The following ADAM12 variants were observed in gnomAD, a reference collection of about 807,000 sequenced individuals.
The protein encoded by ADAM12 is disintegrin and metalloproteinase domain-containing protein 12.
Under a neutral mutation model 106.4 loss-of-function variants are expected in ADAM12, and 70 were observed. That is an observed-to-expected ratio of 0.66 (90% CI 0.54 to 0.80). ADAM12 has a LOEUF of 0.80. Ranked by LOEUF, ADAM12 falls within the 30% of genes least tolerant of loss-of-function variation. The probability of loss-of-function intolerance (pLI) is 0.00; values close to 1 mark genes in which losing one functional copy is unlikely to be tolerated. For missense variants in ADAM12, 1,010 were observed against 1,171.9 expected, an observed-to-expected ratio of 0.86 and a Z score of 2.02; for synonymous variants, 420 against 433.5, an observed-to-expected ratio of 0.97 and a Z score of 0.39.
intron 3 of ADAM12, among the ~76,000 whole-genome samples, chr10:126,195,923 G>T (rs1386426998): frequency 6.6e-6 from 1 of 152,144 alleles, no homozygotes; most frequent in Non-Finnish European, 1.5e-5. Flanking sequence ...AGTAAAACCC[G>T]ATCACCGTCT....
intron 2 of ADAM12, among the ~76,000 whole-genome samples, chr10:126,299,828 G>A (rs1393780205): frequency 6.6e-6 from 1 of 152,024 alleles, no homozygotes; most frequent in Non-Finnish European, 1.5e-5. Flanking sequence ...ATTTTTAGTA[G>A]AGACGGGGTT....
intron 21 of ADAM12, among the ~76,000 whole-genome samples, chr10:126,029,838 T>G (rs1343921113): frequency 6.6e-6 from 1 of 152,218 alleles, no homozygotes; most frequent in East Asian, 1.9e-4. Flanking sequence ...TTTTAACCTA[T>G]CGATTGGCAA....
intron 4 of ADAM12, among the ~76,000 whole-genome samples, chr10:126,143,278 G>A (rs956337176): frequency 2.6e-4 from 34 of 133,114 alleles, no homozygotes; most frequent in Non-Finnish European, 5.1e-4. Flanking sequence ...GTGTATATGG[G>A]TATGCATGTG....
At chr10:126,063,887 C>T (rs1954809236) in intron 14 of ADAM12, among the ~76,000 whole-genome samples, 1 of 152,190 alleles carries the variant, frequency 6.6e-6, no homozygotes, top group Non-Finnish European at 1.5e-5. Flanking sequence ...GGGATGGATT[C>T]TTCCCTTTTG....
At chr10:126,379,790 A>G (rs1856427081) in intron 1 of ADAM12, among the ~76,000 whole-genome samples, 1 of 152,048 alleles carries the variant, frequency 6.6e-6, no homozygotes, top group Admixed American at 6.5e-5. Flanking sequence ...TCACATTCAG[A>G]TTCAAGTGAG....
chr10:126,311,867 C>T (rs1045613818), intron 2 of ADAM12, among the ~76,000 whole-genome samples: 2 of 152,024 alleles, frequency 1.3e-5, no homozygotes, highest in East Asian at 3.9e-4. Context: ...AGTAGCAAGA[C>T]TAAGTAAATA....
At chr10:126,285,203 G>C (rs544239389) in intron 2 of ADAM12, among the ~76,000 whole-genome samples, 1 of 152,190 alleles carries the variant, frequency 6.6e-6, no homozygotes, top group African/African-American at 2.4e-5. Flanking sequence ...AGAAGGAAAG[G>C]GTTCTGCTGC....
chr10:126,295,532 T>TACACAC (rs1047274012), intron 2 of ADAM12, among the ~76,000 whole-genome samples: 2 of 147,560 alleles, frequency 1.4e-5, no homozygotes, highest in African/African-American at 5.1e-5. Flanking sequence ...ACCACAAAAA[T>TACACAC]ACACACACAC....
chr10:126,339,847 C>CTTTTTTTTTT (rs146232567), intron 1 of ADAM12, among the ~76,000 whole-genome samples: 3 of 75,712 alleles, frequency 4.0e-5, no homozygotes, highest in Non-Finnish European at 7.0e-5. Flanking sequence ...CATTCTAGGG[C>CTTTTTTTTTT]TTTTTTTTTT....
chr10:126,118,302 AAG>A, intron 5 of ADAM12, 78 bp from the exon 6 acceptor site: 1 of 1,031,512 alleles, frequency 9.7e-7, no homozygotes, highest in Non-Finnish European at 1.4e-6. Context: ...AGTTCTTAAC[AAG>A]AGAGAGAATG....
chr10:126,189,846 T>C (rs115531071), intron 3 of ADAM12, among the ~76,000 whole-genome samples: 2,842 of 152,024 alleles, frequency 0.019, 89 homozygotes, highest in African/African-American at 0.064. Context: ...TGCAGAACCT[T>C]CCTGAAGACG....
At chr10:126,110,509 C>T (rs945331663) in intron 6 of ADAM12, among the ~76,000 whole-genome samples, 6 of 151,138 alleles carry the variant, frequency 4.0e-5, no homozygotes, top group Non-Finnish European at 7.4e-5. Context: ...AGAAAGAGAA[C>T]GGAAAGAAAC....
At chr10:126,242,671 A>T (rs1958549870) in intron 3 of ADAM12, among the ~76,000 whole-genome samples, 1 of 152,194 alleles carries the variant, frequency 6.6e-6, no homozygotes, top group African/African-American at 2.4e-5. Context: ...TTTGAGTTGG[A>T]ATAGGTACGG....
rs904741064 is a variant in ADAM12 at position 126,388,225 on chromosome 10, C to A, written c.-80G>T. Reference sequence around the variant, plus strand: ...TCCCACGCGGGCGCCGAGCCGGGGCCGGGCGTCGCGACCGGAGGGATTTCC... The same window carrying A: ...TCCCACGCGGGCGCCGAGCCGGGGCAGGGCGTCGCGACCGGAGGGATTTCC... On this transcript the variant is annotated 5_prime_UTR_variant, in exon 1 of 23. Coordinates refer to ENST00000448723, the MANE Select transcript of ADAM12 (RefSeq NM_001288973.2). The surrounding 1 kb of genome is among the most constrained non-coding windows in gnomAD (Gnocchi z 4.4). The A allele has an allele frequency of 2.1e-5, 25 of 1,190,262 alleles. No homozygotes were observed. The highest frequency in any genetic ancestry group is 2.5e-5 in the Non-Finnish European group (24 of 961,106). 73.7% of individuals were successfully genotyped at this position (1,190,262 alleles called of 1,614,324 possible).
At chr10:126,229,777 T>A (rs1958273684) in intron 3 of ADAM12, among the ~76,000 whole-genome samples, 2 of 152,126 alleles carry the variant, frequency 1.3e-5, no homozygotes, top group African/African-American at 4.8e-5. Context: ...GCTCTGTTCA[T>A]GCCTGCTGTT....
chr10:126,313,462 G>A (rs1961205906), intron 2 of ADAM12, among the ~76,000 whole-genome samples: 2 of 152,172 alleles, frequency 1.3e-5, no homozygotes, highest in South Asian at 4.1e-4. Flanking sequence ...GCAAAGTATG[G>A]GGTCAAAGTC....
intron 11 of ADAM12, among the ~76,000 whole-genome samples, chr10:126,076,181 T>C (rs1361926982): frequency 1.3e-5 from 2 of 152,256 alleles, no homozygotes; most frequent in Non-Finnish European, 2.9e-5. Flanking sequence ...CACGTGGTAT[T>C]TGACTTGCTA....
At position 126,017,169 on chromosome 10, in the gene ADAM12, G is replaced by C; in HGVS notation, c.*110C>G. On this transcript the variant is annotated 3_prime_UTR_variant, in exon 23 of 23. Coordinates refer to ENST00000448723, the MANE Select transcript of ADAM12 (RefSeq NM_001288973.2). ...AGTAGCTCAAAGTTCTTATAGTAAT[G>C]ATGTTTTAAACATTAAAAAAAATCC... 2.1e-6 allele frequency: 2 copies of C among 964,344 alleles called. No homozygotes were observed. Among genetic ancestry groups the C allele is most frequent in the Non-Finnish European group, 3.1e-6 (2 of 639,584 alleles). 59.7% of individuals were successfully genotyped at this position (964,344 alleles called of 1,614,324 possible). A position where few individuals can be genotyped will look rare whatever the true frequency, so the allele number is the denominator to read the frequency against.
In ADAM12 at chr10:126,378,593, A is replaced by C. The variant is rs189723826; in HGVS notation, c.88+9465T>G. Among the ~76,000 whole-genome samples, 205 of 152,318 alleles carry C rather than the reference A, an allele frequency of 1.3e-3. 2 individuals carry two copies. Among genetic ancestry groups the C allele is most frequent in the African/African-American group, 4.4e-3 (184 of 41,578 alleles). On this transcript the variant is annotated intron_variant, in intron 1 of 22. Coordinates refer to ENST00000448723, the MANE Select transcript of ADAM12 (RefSeq NM_001288973.2). ...GTATGTGTGTGTGTACACACACACG[A>C]ACCAACCAACTTCACAGTAGTATAG...
Sources: gnomAD v4.1 joint callset for allele counts (sites outside exome capture counted in the v4.1 genomes callset) on GRCh38, gnomAD v4.1.1 for gene constraint, Gnocchi (gnomAD v3.1) non-coding constraint, MANE v1.5 for transcripts, NCBI Gene and HGNC (gene_info 2026-07-23, HGNC 2026-07-21) for gene names.